The following MALRD1 variants were observed in gnomAD, a reference collection of about 807,000 sequenced individuals.
MALRD1 encodes MAM and LDL-receptor class A domain-containing protein 1.
MALRD1 carries 247 observed loss-of-function variants against 242.1 expected under a neutral mutation model. That is an observed-to-expected ratio of 1.02 (90% CI 0.92 to 1.13). The LOEUF is 1.13. MALRD1 is among the 50% of genes most tolerant of loss of function. The pLI, the probability that MALRD1 is intolerant of heterozygous loss-of-function variation, is 0.00. For synonymous variants in MALRD1, 995 were observed against 866.6 expected, an observed-to-expected ratio of 1.15 and a Z score of -2.60; for missense variants, 2,989 against 2,533.1, an observed-to-expected ratio of 1.18 and a Z score of -3.86.
At chr10:19,599,294 T>A (rs1438398216) in intron 34 of MALRD1, among the ~76,000 whole-genome samples, 1 of 152,146 alleles carries the variant, frequency 6.6e-6, no homozygotes, top group Non-Finnish European at 1.5e-5. Flanking sequence ...AGAAATAATT[T>A]TTCTAGCATT....
chr10:19,125,577 T>G (rs1462130388), intron 7 of MALRD1, among the ~76,000 whole-genome samples: 1 of 151,340 alleles, frequency 6.6e-6, no homozygotes, highest in Non-Finnish European at 1.5e-5. Context: ...ATTGTTACAT[T>G]TTTATTTTTA....
intron 28 of MALRD1, among the ~76,000 whole-genome samples, chr10:19,424,670 C>A (rs1014172839): frequency 6.6e-6 from 1 of 152,250 alleles, no homozygotes; most frequent in Middle Eastern, 3.4e-3. Flanking sequence ...ATGGACAATT[C>A]AGCATTGCCT....
chr10:19,209,892 A>G (rs938733024), intron 18 of MALRD1, among the ~76,000 whole-genome samples: 1 of 152,180 alleles, frequency 6.6e-6, no homozygotes, highest in African/African-American at 2.4e-5. Flanking sequence ...ATTTCTGAAG[A>G]TGAACATGTG....
intron 2 of MALRD1, among the ~76,000 whole-genome samples, chr10:19,085,501 T>C (rs900959878): frequency 6.6e-6 from 1 of 151,984 alleles, no homozygotes; most frequent in African/African-American, 2.4e-5. Flanking sequence ...AAGAAAAAAG[T>C]TTATTACTAG....
chr10:19,422,620 A>G (rs1287825235), intron 28 of MALRD1, among the ~76,000 whole-genome samples: 5 of 152,188 alleles, frequency 3.3e-5, no homozygotes, highest in African/African-American at 1.2e-4. Flanking sequence ...TCATGATTAG[A>G]TGTAGAATAC....
At chr10:19,381,065 C>T (rs1406411654) in intron 26 of MALRD1, among the ~76,000 whole-genome samples, 1 of 123,978 alleles carries the variant, frequency 8.1e-6, no homozygotes, top group East Asian at 2.8e-4. Context: ...CCCCCTCCCC[C>T]CACCCCACCA....
chr10:19,389,546 C>T lies in MALRD1; in HGVS notation c.4782C>T (p.Cys1594=). 4.5e-6 allele frequency: 7 copies of T among 1,550,698 alleles called. No individual in the cohort carries two copies. Among genetic ancestry groups the T allele is most frequent in the South Asian group, 3.6e-5 (3 of 84,058 alleles). The stretch of plus-strand genomic sequence containing the variant: ...TGTGGCGAGAATCCAGTGCAGCCTG[C>T]ACCATGAGCTTCTGGTATTTCGTAT... ...STMWRESSAA[C]TMSFWYFVSA... is the part of the protein sequence containing the mutation. The change falls in exon 28 of 40, where the codon TGC becomes TGT. Residue 1594 remains cysteine, a synonymous_variant. Coordinates refer to ENST00000454679, the MANE Select transcript of MALRD1 (RefSeq NM_001142308.3).
At chr10:19,166,348 TCTCA>T (rs374021401) in intron 13 of MALRD1, among the ~76,000 whole-genome samples, 1 of 152,184 alleles carries the variant, frequency 6.6e-6, no homozygotes, top group African/African-American at 2.4e-5. Flanking sequence ...TATGGCAGGT[TCTCA>T]CTCATGTGTG....
chr10:19,367,366 G>A (rs1003082904), intron 26 of MALRD1, among the ~76,000 whole-genome samples: 4 of 152,036 alleles, frequency 2.6e-5, no homozygotes, highest in East Asian at 1.9e-4. Context: ...AACATGTGTT[G>A]TTTAACTTTC....
chr10:19,366,448 C>A (rs1489854150), intron 26 of MALRD1, among the ~76,000 whole-genome samples: 1 of 152,030 alleles, frequency 6.6e-6, no homozygotes, highest in East Asian at 1.9e-4. Flanking sequence ...CTCACTTGCC[C>A]GCTGCTCACC....
intron 26 of MALRD1, among the ~76,000 whole-genome samples, chr10:19,374,214 A>C (rs575500871): frequency 2.0e-4 from 31 of 152,334 alleles, no homozygotes; most frequent in African/African-American, 7.2e-4. Context: ...AGTACAATGA[A>C]GTACTAATGT....
intron 36 of MALRD1, among the ~76,000 whole-genome samples, chr10:19,661,026 A>G (rs768974581): frequency 6.6e-6 from 1 of 152,202 alleles, no homozygotes; most frequent in African/African-American, 2.4e-5. Context: ...CAACAGACAC[A>G]TGAAAAAATG....
chr10:19,689,863 C>A (rs1034451106), intron 36 of MALRD1, among the ~76,000 whole-genome samples: 1 of 151,928 alleles, frequency 6.6e-6, no homozygotes, highest in Non-Finnish European at 1.5e-5. Context: ...TCAAGCAGCA[C>A]CATATCCATT....
intron 24 of MALRD1, among the ~76,000 whole-genome samples, chr10:19,345,970 A>G (rs1844102005): frequency 6.6e-6 from 1 of 152,002 alleles, no homozygotes; most frequent in African/African-American, 2.4e-5. Context: ...TTATTTGTAG[A>G]GACAAAGTCT....
intron 36 of MALRD1, among the ~76,000 whole-genome samples, chr10:19,677,160 T>G (rs1216082680): frequency 6.6e-6 from 1 of 152,222 alleles, no homozygotes; most frequent in Non-Finnish European, 1.5e-5. Context: ...GAATGATTTA[T>G]ATTCCTTTGG....
At chr10:19,221,442 T>C (rs1028582627) in intron 18 of MALRD1, among the ~76,000 whole-genome samples, 1 of 152,224 alleles carries the variant, frequency 6.6e-6, no homozygotes, top group African/African-American at 2.4e-5. Context: ...TCAGATTTGT[T>C]GCATACTGAA....
At chr10:19,219,159 G>T (rs530863475) in intron 18 of MALRD1, among the ~76,000 whole-genome samples, 1 of 151,842 alleles carries the variant, frequency 6.6e-6, no homozygotes, top group African/African-American at 2.4e-5. Flanking sequence ...AGATTTTCAT[G>T]GTGCTGAAAA....
intron 19 of MALRD1, among the ~76,000 whole-genome samples, chr10:19,274,763 A>AT (rs1433169245): frequency 2.0e-5 from 3 of 152,180 alleles, no homozygotes; most frequent in Non-Finnish European, 2.9e-5. Context: ...CATATGAATT[A>AT]TTTAAGGTAG....
At chr10:19,429,264 C>A (rs1170533427) in intron 28 of MALRD1, among the ~76,000 whole-genome samples, 1 of 152,134 alleles carries the variant, frequency 6.6e-6, no homozygotes, top group Non-Finnish European at 1.5e-5. Flanking sequence ...TGTAATGTGA[C>A]TGGGAGTCAA....
Sources: allele counts gnomAD v4.1 joint callset (sites outside exome capture counted in the v4.1 genomes callset), GRCh38; gene constraint gnomAD v4.1.1; transcripts MANE v1.5; gene names NCBI Gene and HGNC (gene_info 2026-07-23, HGNC 2026-07-21).